Variants in SCML2 observed in about 807,000 individuals in gnomAD.
SCML2 encodes Scm polycomb group protein like 2.
A neutral mutation model predicts 48.4 loss-of-function variants in SCML2; 6 were observed. The observed-to-expected ratio is 0.12, with a 90% CI of 0.07 to 0.24. SCML2 has a LOEUF of 0.24. Ranked by LOEUF, SCML2 falls within the 10% of genes least tolerant of loss-of-function variation. The pLI is 1.00. For missense variants in SCML2, 377 were observed against 528.2 expected (o/e 0.71, Z 2.81); for synonymous variants, 181 against 189.5 (o/e 0.95, Z 0.37).
intron 3 of SCML2, among the ~76,000 whole-genome samples, chrX:18,327,636 A>G (rs180823594): frequency 2.2e-4 from 25 of 112,300 alleles, no homozygotes; most frequent in African/African-American, 7.7e-4. Flanking sequence ...AATCTGAGCT[A>G]GCAAATCCTT....
chrX:18,337,243 A>G (rs1413323621), intron 1 of SCML2, among the ~76,000 whole-genome samples: 2 of 93,302 alleles, frequency 2.1e-5, no homozygotes, highest in Non-Finnish European at 4.1e-5. Flanking sequence ...TGGAGGTTGC[A>G]GTGAGCCAAG....
intron 1 of SCML2, among the ~76,000 whole-genome samples, chrX:18,348,795 CAT>C (rs1050065590): frequency 2.7e-5 from 3 of 111,544 alleles, no homozygotes; most frequent in African/African-American, 9.8e-5. Context: ...GCAAAGGGCA[CAT>C]GTTTCCAAAT....
Position 18,242,363 on chromosome X carries a change from G to A in SCML2, c.1974+76C>T, listed in dbSNP as rs779013143. 1.6e-5 allele frequency: 16 copies of A among 1,021,011 alleles called. No homozygotes were observed. In the East Asian group the frequency reaches 4.7e-4, roughly 30 times the overall value. 84.1% of individuals were successfully genotyped at this position (1,021,011 alleles called of 1,213,427 possible). Reference sequence around the variant, plus strand: ...ATAGGGTTCCCCCACCATCCACACAGCATCCAAATGAAGGGCCTGCACAGA... The same window carrying A: ...ATAGGGTTCCCCCACCATCCACACAACATCCAAATGAAGGGCCTGCACAGA... On this transcript the variant is annotated intron_variant, in intron 14 of 14. Coordinates refer to ENST00000251900, the MANE Select transcript of SCML2 (RefSeq NM_006089.3).
chrX:18,267,190 C>A (rs780036118), intron 7 of SCML2, among the ~76,000 whole-genome samples: 1 of 111,795 alleles, frequency 8.9e-6, no homozygotes, highest in Non-Finnish European at 1.9e-5. Context: ...CCAACCATGT[C>A]CCCTTTCTCC....
At chrX:18,306,978 A>G (rs778924116) in intron 6 of SCML2, among the ~76,000 whole-genome samples, 3 of 111,293 alleles carry the variant, frequency 2.7e-5, no homozygotes, top group South Asian at 7.6e-4. Context: ...TGAATTACAT[A>G]TCTTAATTTG....
At position 18,323,940 on chromosome X, in the gene SCML2, A is replaced by C; in HGVS notation, c.316T>G (p.Phe106Val). Reference sequence around the variant, plus strand: ...TCTGGGGAATCGACAAGCCTCCAAAAATCATTTCTGTTGTCACTACCATCC... The same window carrying C: ...TCTGGGGAATCGACAAGCCTCCAAACATCATTTCTGTTGTCACTACCATCC... ...RLDGSDNRND[F>V]WRLVDSPDIQ... Residue 106 changes from phenylalanine to valine, a missense_variant, in exon 5 of 15, where the codon TTT becomes GTT. Physicochemically the swap from Phe to Val is conservative, Grantham distance 50. Around this residue, in one of 3 missense-constraint regions of SCML2, gnomAD observed 17 missense variants for 42.8 expected, o/e 0.40. Coordinates refer to ENST00000251900, the MANE Select transcript of SCML2 (RefSeq NM_006089.3). 1 of 1,211,419 alleles carries C rather than the reference A, an allele frequency of 8.3e-7. No homozygotes were observed. Among genetic ancestry groups the C allele is most frequent in the Non-Finnish European group, 1.1e-6 (1 of 895,274 alleles).
intron 7 of SCML2, among the ~76,000 whole-genome samples, chrX:18,294,777 T>C (rs1484162961): frequency 9.0e-6 from 1 of 110,651 alleles, no homozygotes; most frequent in East Asian, 2.9e-4. Flanking sequence ...GTGCAGCACA[T>C]TGGAGAGGCT....
chrX:18,288,918 G>GGAGGGGACT (rs1208371391), intron 7 of SCML2, among the ~76,000 whole-genome samples: 2 of 111,390 alleles, frequency 1.8e-5, no homozygotes, highest in Non-Finnish European at 3.8e-5. Context: ...AGGAGTGGGA[G>GGAGGGGACT]GAGGGGACTA....
At chrX:18,258,967 T>C (rs977265725) in intron 9 of SCML2, among the ~76,000 whole-genome samples, 1 of 111,173 alleles carries the variant, frequency 9.0e-6, no homozygotes, top group African/African-American at 3.3e-5. Flanking sequence ...ATATACACTA[T>C]AAAAACATGA....
At chrX:18,264,782 A>C (rs1196275423) in intron 8 of SCML2, among the ~76,000 whole-genome samples, 1 of 111,258 alleles carries the variant, frequency 9.0e-6, no homozygotes, top group African/African-American at 3.3e-5. Context: ...ATCCAGCCTC[A>C]GTTCAGATCT....
rs1488445670 is a variant in SCML2 at position 18,240,528 on chromosome X, G to A, written c.*723C>T. The A allele has an allele frequency of 1.8e-5, 2 of 111,539 alleles. No homozygotes were observed. The highest frequency in any genetic ancestry group is 1.9e-5 in the Non-Finnish European group (1 of 53,093). The allele number at this position is 111,539 out of a possible 1,213,427, so 9.2% of individuals were successfully genotyped here. A position where few individuals can be genotyped will look rare whatever the true frequency, so the allele number is the denominator to read the frequency against. On this transcript the variant is annotated 3_prime_UTR_variant, in exon 15 of 15. Transcript: ENST00000251900. ...ATCTGACTCCATCCAAACAACCCTCGTAGTATAAATATCTCCTGCATAAAA... is the reference window on the plus strand; with the variant it reads ...ATCTGACTCCATCCAAACAACCCTCATAGTATAAATATCTCCTGCATAAAA...
chrX:18,328,303 C>T (rs1236278292), intron 3 of SCML2, among the ~76,000 whole-genome samples: 3 of 111,472 alleles, frequency 2.7e-5, no homozygotes, highest in Non-Finnish European at 3.8e-5. Context: ...GAATGATCAG[C>T]ATCCACTAAT....
At chrX:18,321,615 A>C (rs1929324929) in intron 5 of SCML2, among the ~76,000 whole-genome samples, 1 of 107,595 alleles carries the variant, frequency 9.3e-6, no homozygotes, top group Non-Finnish European at 1.9e-5. Context: ...AAAAAAAAAA[A>C]AAAACAGGGG....
intron 3 of SCML2, among the ~76,000 whole-genome samples, chrX:18,325,546 T>C: frequency 9.0e-6 from 1 of 111,715 alleles, no homozygotes; most frequent in Non-Finnish European, 1.9e-5. Context: ...AACAAAGCAA[T>C]AAACCAGTCA....
chrX:18,240,361 C>T lies in SCML2; in HGVS notation c.*890G>A, dbSNP rs1926219018. ...GGTAAAGTACCATATGAAGAATAAA[C>T]ACATACAATATATATCTTCAAAAAT... On this transcript the variant is annotated 3_prime_UTR_variant, in exon 15 of 15. Coordinates refer to ENST00000251900, the MANE Select transcript of SCML2 (RefSeq NM_006089.3). 1 of 112,136 alleles carries T rather than the reference C, an allele frequency of 8.9e-6. No homozygotes were observed. The highest frequency in any genetic ancestry group is 3.2e-5 in the African/African-American group (1 of 30,793). 9.2% of individuals were successfully genotyped at this position (112,136 alleles called of 1,213,427 possible).
Position 18,241,174 on chromosome X carries a change from G to A in SCML2, c.*77C>T. The stretch of plus-strand genomic sequence containing the variant: ...GGGAACTGTCTACAAAACAAAAACT[G>A]CTAAGAGAAATACTTTTAAATTAAA... On this transcript the variant is annotated 3_prime_UTR_variant, in exon 15 of 15. Coordinates refer to ENST00000251900, the MANE Select transcript of SCML2 (RefSeq NM_006089.3). 1 of 902,078 alleles carries A rather than the reference G, an allele frequency of 1.1e-6. No homozygotes were observed. The highest frequency in any genetic ancestry group is 1.5e-6 in the Non-Finnish European group (1 of 677,382). The allele number at this position is 902,078 out of a possible 1,213,427, so 74.3% of individuals were successfully genotyped here.
chrX:18,323,045 T>C (rs1351458392), intron 5 of SCML2, among the ~76,000 whole-genome samples: 1 of 111,630 alleles, frequency 9.0e-6, no homozygotes, highest in Admixed American at 9.5e-5. Flanking sequence ...TTTTCACTAA[T>C]AGGAAAACAA....
intron 7 of SCML2, among the ~76,000 whole-genome samples, chrX:18,300,299 C>T (rs934289430): frequency 4.9e-4 from 51 of 103,250 alleles, no homozygotes; most frequent in African/African-American, 1.7e-3. Flanking sequence ...ACTTGGGGAG[C>T]TGAGACAGGA....
chrX:18,352,585 A>C (rs760066255), intron 1 of SCML2, among the ~76,000 whole-genome samples: 140 of 111,920 alleles, frequency 1.3e-3, no homozygotes, highest in African/African-American at 4.2e-3. Flanking sequence ...TGAAATTTTC[A>C]GGAATAAACT....
Sources: gnomAD v4.1 joint callset for allele counts (sites outside exome capture counted in the v4.1 genomes callset) on GRCh38, gnomAD v4.1.1 for gene constraint, gnomAD v4.1.1 regional missense constraint, MANE v1.5 for transcripts, NCBI Gene and HGNC (gene_info 2026-07-23, HGNC 2026-07-21) for gene names.